The following TEAD1 variants were observed in gnomAD, a reference collection of about 807,000 sequenced individuals.
TEAD1 encodes the protein transcriptional enhancer factor TEF-1.
In TEAD1, 9 loss-of-function variants were observed where a neutral mutation model predicts 54.9. The ratio of observed to expected loss-of-function variants is 0.16; its 90% CI spans 0.10 to 0.29. The LOEUF is 0.29. Ranked by LOEUF, TEAD1 falls within the 10% of genes least tolerant of loss-of-function variation. The probability of loss-of-function intolerance (pLI) is 1.00; values close to 1 mark genes in which losing one functional copy is unlikely to be tolerated. For missense variants in TEAD1, 387 were observed against 535.9 expected, an observed-to-expected ratio of 0.72 and a Z score of 2.74; for synonymous variants, 200 against 187.8, an observed-to-expected ratio of 1.07 and a Z score of -0.53.
chr11:12,902,247 G>A, intron 10 of TEAD1, 134 bp downstream of exon 10: 1 of 1,245,246 alleles, frequency 8.0e-7, no homozygotes, highest in Non-Finnish European at 1.2e-6. Flanking sequence ...AATTGCCAAG[G>A]GAGCACGGAC....
chr11:12,713,495 A>C (rs1943986285), intron 2 of TEAD1, among the ~76,000 whole-genome samples: 1 of 152,218 alleles, frequency 6.6e-6, no homozygotes, highest in African/African-American at 2.4e-5. Context: ...GCTCTTAGTC[A>C]TTAGATATTA....
At chr11:12,882,093 G>C (rs1246273734) in intron 8 of TEAD1, 136 bp downstream of exon 8, 2 of 922,998 alleles carry the variant, frequency 2.2e-6, no homozygotes, top group African/African-American at 3.3e-5. Context: ...CAGGATCCTT[G>C]GGTAGCCTGT....
intron 3 of TEAD1, among the ~76,000 whole-genome samples, chr11:12,835,893 A>G (rs939536860): frequency 6.6e-6 from 1 of 152,140 alleles, no homozygotes; most frequent in African/African-American, 2.4e-5. Context: ...GTTAGGAGGA[A>G]TAAGTTCTAG....
intron 3 of TEAD1, among the ~76,000 whole-genome samples, chr11:12,794,807 A>G (rs1394993682): frequency 6.6e-6 from 1 of 152,234 alleles, no homozygotes. Context: ...CCAAGAGGCC[A>G]GATGCCTGGA....
chr11:12,860,218 A>G (rs1947470446), intron 3 of TEAD1, among the ~76,000 whole-genome samples: 1 of 152,216 alleles, frequency 6.6e-6, no homozygotes, highest in African/African-American at 2.4e-5. Flanking sequence ...AACAGGAAGG[A>G]TCTGGGGATG....
At chr11:12,758,222 G>GT (rs1169640057) in intron 2 of TEAD1, among the ~76,000 whole-genome samples, 48 of 149,418 alleles carry the variant, frequency 3.2e-4, no homozygotes, top group African/African-American at 1.1e-3. Flanking sequence ...AACTCACTAA[G>GT]TTTTTGTTTT....
intron 2 of TEAD1, among the ~76,000 whole-genome samples, chr11:12,704,946 G>A (rs1943783307): frequency 6.6e-6 from 1 of 152,220 alleles, no homozygotes. Context: ...CATACACCGT[G>A]TGTATGCCCA....
At chr11:12,688,262 T>A (rs1001305439) in intron 2 of TEAD1, among the ~76,000 whole-genome samples, 2 of 152,172 alleles carry the variant, frequency 1.3e-5, no homozygotes, top group Admixed American at 1.3e-4. Flanking sequence ...CCCAGAGCCC[T>A]TCATAATCAG....
intron 2 of TEAD1, among the ~76,000 whole-genome samples, chr11:12,732,174 T>C (rs1008054131): frequency 6.6e-6 from 1 of 152,168 alleles, no homozygotes; most frequent in African/African-American, 2.4e-5. Context: ...TCCTTTGAGA[T>C]AGTATCAGGA....
At chr11:12,806,008 T>C (rs1238409863) in intron 3 of TEAD1, among the ~76,000 whole-genome samples, 2 of 152,200 alleles carry the variant, frequency 1.3e-5, no homozygotes, top group Non-Finnish European at 2.9e-5. Context: ...GGCAGCACTT[T>C]CATGTTTAAA....
intron 2 of TEAD1, among the ~76,000 whole-genome samples, chr11:12,681,209 A>T (rs1650779695): frequency 6.6e-6 from 1 of 152,196 alleles, no homozygotes; most frequent in African/African-American, 2.4e-5. Flanking sequence ...GAAAACAGAT[A>T]CTTAATAGCA....
chr11:12,797,125 C>T (rs2133970143), intron 3 of TEAD1, among the ~76,000 whole-genome samples: 1 of 152,224 alleles, frequency 6.6e-6, no homozygotes, highest in East Asian at 1.9e-4. Flanking sequence ...CACAAAAAAC[C>T]TACAGATGTA....
rs1415599039 is a variant in TEAD1 at position 12,941,745 on chromosome 11, A to G, written c.*4523A>G. On this transcript the variant is annotated 3_prime_UTR_variant, in exon 13 of 13. Transcript: ENST00000527636. ...AAGCCTTAAATCTTTAAGATGTTGC[A>G]TGTAGGGTATGCAGTGCAAAAGGCT... 2.0e-5 allele frequency: 3 copies of G among 152,644 alleles called. No individual in the cohort carries two copies. Among genetic ancestry groups the G allele is most frequent in the East Asian group, 3.8e-4 (2 of 5,196 alleles). The allele number at this position is 152,644 out of a possible 1,614,324, so 9.5% of individuals were successfully genotyped here.
intron 3 of TEAD1, among the ~76,000 whole-genome samples, chr11:12,776,543 A>G (rs1485281727): frequency 6.6e-6 from 1 of 152,084 alleles, no homozygotes; most frequent in African/African-American, 2.4e-5. Flanking sequence ...GAACAAAAAC[A>G]CTGGGTACTT....
intron 3 of TEAD1, among the ~76,000 whole-genome samples, chr11:12,854,409 G>C (rs1196357579): frequency 6.6e-6 from 1 of 152,150 alleles, no homozygotes; most frequent in Admixed American, 6.5e-5. Context: ...TAGTAGAGGG[G>C]TAGGCACATG....
intron 2 of TEAD1, among the ~76,000 whole-genome samples, chr11:12,697,761 C>T (rs1055623947): frequency 5.3e-5 from 8 of 152,246 alleles, no homozygotes; most frequent in African/African-American, 7.2e-5. Context: ...TGGTGGCTCA[C>T]GCCTGTAATC....
At chr11:12,848,516 A>G (rs976852907) in intron 3 of TEAD1, among the ~76,000 whole-genome samples, 7 of 152,210 alleles carry the variant, frequency 4.6e-5, no homozygotes, top group African/African-American at 1.7e-4. Context: ...CTGGGTTCAA[A>G]TCCCGACTCC....
At chr11:12,698,292 T>G (rs1330421807) in intron 2 of TEAD1, among the ~76,000 whole-genome samples, 1 of 151,938 alleles carries the variant, frequency 6.6e-6, no homozygotes, top group African/African-American at 2.4e-5. Context: ...CTTGCTGCGC[T>G]CTCTCTTTTT....
At chr11:12,879,000 A>G in intron 5 of TEAD1, 1 of 986,918 alleles carries the variant, frequency 1.0e-6, no homozygotes, top group Non-Finnish European at 1.4e-6. Context: ...CCTAGAAAAG[A>G]CCCGTTCAGG....
Sources: gnomAD v4.1 joint callset for allele counts (sites outside exome capture counted in the v4.1 genomes callset) on GRCh38, gnomAD v4.1.1 for gene constraint, MANE v1.5 for transcripts, NCBI Gene and HGNC (gene_info 2026-07-23, HGNC 2026-07-21) for gene names.